The following TLL2 variants were observed in gnomAD, a reference collection of about 807,000 sequenced individuals.
TLL2 encodes tolloid like 2.
A neutral mutation model predicts 123.0 loss-of-function variants in TLL2; 106 were observed. That is an observed-to-expected ratio of 0.86 (90% CI 0.74 to 1.01). The LOEUF (loss-of-function observed/expected upper bound fraction) is 1.01. Ranked by LOEUF, TLL2 falls within the 50% of genes least tolerant of loss-of-function variation. The pLI, the probability that TLL2 is intolerant of heterozygous loss-of-function variation, is 0.00. For missense variants in TLL2, 1,332 were observed against 1,336.7 expected, an observed-to-expected ratio of 1.00 and a Z score of 0.06; for synonymous variants, 494 against 516.8, an observed-to-expected ratio of 0.96 and a Z score of 0.60.
chr10:96,430,444 T>C (rs961001741), intron 4 of TLL2, among the ~76,000 whole-genome samples: 1 of 152,172 alleles, frequency 6.6e-6, no homozygotes, highest in African/African-American at 2.4e-5. Flanking sequence ...TTCTTTTCCT[T>C]AGAAACTACC....
intron 15 of TLL2, among the ~76,000 whole-genome samples, 159 bp from the exon 16 acceptor site, chr10:96,384,926 AG>A (rs1322959115): frequency 6.6e-6 from 1 of 152,182 alleles, no homozygotes; most frequent in African/African-American, 2.4e-5. Flanking sequence ...TGAGCTCCAG[AG>A]GGCACAGGGG....
intron 16 of TLL2, 22 bp downstream of exon 16, chr10:96,384,565 C>T: frequency 6.4e-7 from 1 of 1,554,454 alleles, no homozygotes; most frequent in Non-Finnish European, 8.7e-7. Flanking sequence ...GCTGCATCAG[C>T]CTCACCTCTG....
At position 96,410,474 on chromosome 10, in the gene TLL2, G is replaced by A. The variant is rs563536531; in HGVS notation, c.1049C>T (p.Ala350Val). 1.4e-5 allele frequency: 23 copies of A among 1,612,672 alleles called. No individual in the cohort carries two copies. Among genetic ancestry groups the A allele is most frequent in the Middle Eastern group, 1.7e-4 (1 of 6,056 alleles). ...TGTGTCCTGCAGGGTCTCCCCACAC[G>A]CTGCACAAGCAAAATCACAACTGTG... ...AQARKLYKCP[A>V]CGETLQDTTG... is the part of the protein sequence containing the mutation. The change falls in exon 9 of 21, where the codon GCG (alanine) becomes GTG (valine). Residue 350 changes from alanine to valine, a missense_variant and splice_region_variant. Coordinates refer to ENST00000357947, the MANE Select transcript of TLL2 (RefSeq NM_012465.4).
At chr10:96,482,257 C>CA (rs34832390) in intron 1 of TLL2, among the ~76,000 whole-genome samples, 22,760 of 92,938 alleles carry the variant, frequency 0.24, 1,941 homozygotes, top group Non-Finnish European at 0.28. Context: ...GACTACGTCT[C>CA]AAAAAAAAAA....
rs1325846849 is a variant in TLL2, at chr10:96,379,041, T to C, written c.2246A>G (p.Asn749Ser). 2 of 1,614,208 alleles carry C rather than the reference T, an allele frequency of 1.2e-6. No homozygotes were observed. Among genetic ancestry groups the C allele is most frequent in the South Asian group, 1.1e-5 (1 of 91,074 alleles). ...DNGGCQHECV[N>S]TFGSYLCRCR... ...CCTGCACAGGTAGCTCCCGAAGGTG[T>C]TGACGCACTCATGCTGACACCCGCC... Residue 749 changes from asparagine (N) to serine (S), a missense_variant, in exon 17 of 21, where the codon AAC (asparagine) becomes AGC (serine). Physicochemically the swap from Asn to Ser is conservative, Grantham distance 46. Transcript: ENST00000357947.
chr10:96,500,065 G>C (rs1053462353), intron 1 of TLL2, among the ~76,000 whole-genome samples: 1 of 137,300 alleles, frequency 7.3e-6, no homozygotes, highest in South Asian at 2.3e-4. Flanking sequence ...TAAGTCACTT[G>C]AGCCCAGGAG....
At chr10:96,506,802 C>T (rs1383189332) in intron 1 of TLL2, among the ~76,000 whole-genome samples, 2 of 152,066 alleles carry the variant, frequency 1.3e-5, no homozygotes, top group African/African-American at 4.8e-5. Context: ...CTGATCACTA[C>T]ACTACTGGGC....
chr10:96,444,338 T>G (rs7078493), intron 3 of TLL2, among the ~76,000 whole-genome samples: 142,869 of 152,294 alleles, frequency 0.94, 67,611 homozygotes, highest in East Asian at 1. Context: ...GAATGCTAAT[T>G]GATAAGGAAA....
At position 96,458,587 on chromosome 10, in the gene TLL2, CAAAAAAAAAAAAAAAA is replaced by C. The variant is rs55819031; in HGVS notation, c.287-12435_287-12420del. ...GGGGGACAAGAGCGAGACTTCGTCTCAAAAAAAAAAAAAAAAAAAAAAAAAAAAAAAAAATCAGCCA... is the reference window on the plus strand; with the variant it reads ...GGGGGACAAGAGCGAGACTTCGTCTCAAAAAAAAAAAAAAAAAATCAGCCA... On this transcript the variant is annotated intron_variant, in intron 2 of 20. Coordinates refer to ENST00000357947, the MANE Select transcript of TLL2 (RefSeq NM_012465.4). Among the ~76,000 whole-genome samples, 6 of 45,952 alleles carry C rather than the reference CAAAAAAAAAAAAAAAA, an allele frequency of 1.3e-4. 1 individual carries two copies. The highest frequency in any genetic ancestry group is 7.0e-4 in the Admixed American group (2 of 2,876). 30.1% of individuals were successfully genotyped at this position (45,952 alleles called of 152,430 possible). A position where few individuals can be genotyped will look rare whatever the true frequency, so the allele number is the denominator to read the frequency against.
chr10:96,465,192 C>T (rs1014187431), intron 2 of TLL2, among the ~76,000 whole-genome samples: 2 of 151,260 alleles, frequency 1.3e-5, no homozygotes, highest in African/African-American at 4.8e-5. Flanking sequence ...TCAAGAAGAA[C>T]TGCAGAGCAG....
At chr10:96,406,665 C>A (rs1846454187) in intron 9 of TLL2, among the ~76,000 whole-genome samples, 1 of 152,128 alleles carries the variant, frequency 6.6e-6, no homozygotes, top group Non-Finnish European at 1.5e-5. Flanking sequence ...CCCCTCTGCC[C>A]AGAGCTTATC....
chr10:96,508,363 G>A (rs538998310), intron 1 of TLL2, among the ~76,000 whole-genome samples: 2 of 152,292 alleles, frequency 1.3e-5, no homozygotes, highest in Middle Eastern at 6.8e-3. Context: ...AAACCTGATT[G>A]GTAGGATGTC....
chr10:96,513,857 T>C lies in TLL2; in HGVS notation c.-172A>G. 1 of 691,828 alleles carries C rather than the reference T, an allele frequency of 1.4e-6. No individual in the cohort carries two copies. Among genetic ancestry groups the C allele is most frequent in the East Asian group, 3.4e-5 (1 of 29,316 alleles). 42.9% of individuals were successfully genotyped at this position (691,828 alleles called of 1,614,324 possible). A position where few individuals can be genotyped will look rare whatever the true frequency, so the allele number is the denominator to read the frequency against. ...CGGAGCGCGGCGCCCCCTGTCTTCG[T>C]CGAGGCAACCGGGAAGCAGCCGCTC... is the stretch of plus-strand genomic sequence containing the variant. On this transcript the variant is annotated 5_prime_UTR_variant, in exon 1 of 21. Coordinates refer to ENST00000357947, the MANE Select transcript of TLL2 (RefSeq NM_012465.4).
intron 2 of TLL2, among the ~76,000 whole-genome samples, chr10:96,461,678 G>A (rs1298581078): frequency 6.6e-6 from 1 of 152,152 alleles, no homozygotes; most frequent in Non-Finnish European, 1.5e-5. Context: ...AATCCTTCAA[G>A]GCCCACCTCA....
intron 7 of TLL2, among the ~76,000 whole-genome samples, chr10:96,419,268 A>G (rs546562445): frequency 5.8e-4 from 88 of 152,262 alleles, no homozygotes; most frequent in African/African-American, 2.1e-3. Flanking sequence ...ACCCATCTGC[A>G]TCGGATTGAG....
At chr10:96,451,958 A>G (rs937668176) in intron 2 of TLL2, among the ~76,000 whole-genome samples, 1 of 152,188 alleles carries the variant, frequency 6.6e-6, no homozygotes, top group Admixed American at 6.5e-5. Context: ...CTATCATAAA[A>G]CTGCAGTGCT....
In TLL2 at chr10:96,370,312, C is replaced by T; in HGVS notation, c.2666G>A (p.Cys889Tyr). ...CACTTCAGCCTTCAGCCTGCCCCCG[C>T]ACTCTGGAGCAGAGAGAAGTGAGAT... The part of the protein sequence containing the change: ...KGFQAVHSTE[C>Y]GGRLKAEVQT... Residue 889 changes from cysteine to tyrosine, a missense_variant, in exon 20 of 21, where the codon TGC (cysteine) becomes TAC (tyrosine). Coordinates refer to ENST00000357947, the MANE Select transcript of TLL2 (RefSeq NM_012465.4). 6.4e-7 allele frequency: 1 copy of T among 1,567,338 alleles called. No individual in the cohort carries two copies. The highest frequency in any genetic ancestry group is 2.3e-5 in the East Asian group (1 of 43,802).
At chr10:96,466,103 T>A (rs2134096710) in intron 2 of TLL2, among the ~76,000 whole-genome samples, 1 of 152,310 alleles carries the variant, frequency 6.6e-6, no homozygotes, top group East Asian at 1.9e-4. Flanking sequence ...AGAGAGGGAT[T>A]CCTTGGACAA....
chr10:96,428,465 G>A (rs1846700507), intron 5 of TLL2, among the ~76,000 whole-genome samples, 166 bp downstream of exon 5: 1 of 152,140 alleles, frequency 6.6e-6, no homozygotes, highest in Non-Finnish European at 1.5e-5. Context: ...TGGCCCATCA[G>A]CTTTGCCACT....
Sources: allele counts gnomAD v4.1 joint callset (sites outside exome capture counted in the v4.1 genomes callset), GRCh38; gene constraint gnomAD v4.1.1; transcripts MANE v1.5; gene names NCBI Gene and HGNC (gene_info 2026-07-23, HGNC 2026-07-21).